The following ERAP1 variants were observed in gnomAD, a reference collection of about 807,000 sequenced individuals.
ERAP1 encodes endoplasmic reticulum aminopeptidase 1, also known as adipocyte-derived leucine aminopeptidase.
Under a neutral mutation model 103.7 loss-of-function variants are expected in ERAP1, and 86 were observed. The ratio of observed to expected loss-of-function variants is 0.83; its 90% CI spans 0.70 to 0.99. The LOEUF (loss-of-function observed/expected upper bound fraction) is 0.99, where lower values mean the gene tolerates loss of function less well. ERAP1 is among the 50% of genes least tolerant of loss of function. The pLI, the probability that ERAP1 is intolerant of heterozygous loss-of-function variation, is 0.00. For synonymous variants in ERAP1, 398 were observed against 402.4 expected (o/e 0.99, Z 0.13); for missense variants, 1,009 against 1,128.4 (o/e 0.89, Z 1.52).
the ERAP1 span, among the ~76,000 whole-genome samples, chr5:96,838,039 A>C: frequency 2.0e-5 from 3 of 151,934 alleles, no homozygotes; most frequent in Non-Finnish European, 2.9e-5. Flanking sequence ...TTGGGGCTTT[A>C]ATGGGCACAG....
the ERAP1 span, chr5:96,903,502 A>T: frequency 6.2e-7 from 1 of 1,614,018 alleles, no homozygotes; most frequent in Non-Finnish European, 8.5e-7. Context: ...TCAGAACCAC[A>T]CACTTCTCAG....
chr5:96,896,870 CAT>C, the ERAP1 span: 3 of 1,569,678 alleles, frequency 1.9e-6, no homozygotes, highest in African/African-American at 4.2e-5. Context: ...AAATGTAAGT[CAT>C]ATGTTGGGTA....
chr5:96,828,763 G>A, the ERAP1 span, among the ~76,000 whole-genome samples: 1 of 151,886 alleles, frequency 6.6e-6, no homozygotes, highest in African/African-American at 2.4e-5. Context: ...GTCTGGAGAA[G>A]GTCAGAAAAA....
chr5:96,855,918 C>T, the ERAP1 span, among the ~76,000 whole-genome samples: 1,546 of 152,240 alleles, frequency 0.01, 24 homozygotes, highest in African/African-American at 0.036. Flanking sequence ...GCCTTGTTAA[C>T]TGCAATGTTG....
intron 10 of ERAP1, 141 bp downstream of exon 10, chr5:96,790,155 T>C (rs951383352): frequency 9.1e-6 from 7 of 765,952 alleles, no homozygotes; most frequent in Admixed American, 2.1e-5. Context: ...ATTATGAGTA[T>C]GGAATAGTTT....
Position 96,785,783 on chromosome 5 carries a change from A to T in ERAP1, c.1943+5T>A. ...TAAACCGCGACTTTGTGCAGCGTGT[A>T]TTACCTGACGAGCTGAAATGCATTG... is the stretch of plus-strand genomic sequence containing the variant. On this transcript the variant is annotated splice_donor_5th_base_variant and intron_variant, in intron 13 of 18. Coordinates refer to ENST00000443439, the MANE Select transcript of ERAP1 (RefSeq NM_001040458.3). 1 of 1,614,042 alleles carries T rather than the reference A, an allele frequency of 6.2e-7. No homozygotes were observed. Among genetic ancestry groups the T allele is most frequent in the South Asian group, 1.1e-5 (1 of 91,082 alleles).
chr5:96,788,091 T>C (rs1427930170), intron 11 of ERAP1, among the ~76,000 whole-genome samples: 1 of 152,172 alleles, frequency 6.6e-6, no homozygotes, highest in African/African-American at 2.4e-5. Flanking sequence ...TATTCTTCTA[T>C]AGCATTAAGC....
In ERAP1 at chr5:96,776,287, G is replaced by A. The variant is rs1190292904; in HGVS notation, c.*109C>T. The A allele has an allele frequency of 8.9e-5, 136 of 1,535,134 alleles. No homozygotes were observed. The highest frequency in any genetic ancestry group is 1.1e-4 in the Non-Finnish European group (123 of 1,147,258). Reference sequence around the variant, plus strand: ...GGGATAGTCAAAAAATGAGTTGAAGGGAAAAAAGTATCTCCAGTTGGAGCC... The same window carrying A: ...GGGATAGTCAAAAAATGAGTTGAAGAGAAAAAAGTATCTCCAGTTGGAGCC... On this transcript the variant is annotated 3_prime_UTR_variant, in exon 19 of 19. Transcript: ENST00000443439.
At chr5:96,776,846 TTATTC>T (rs1774394623) in intron 18 of ERAP1, 2 of 377,210 alleles carry the variant, frequency 5.3e-6, no homozygotes, top group South Asian at 6.0e-5. Context: ...ATTTAATGTG[TTATTC>T]TGTTCTGTTC....
At chr5:96,820,278 T>C in the ERAP1 span, among the ~76,000 whole-genome samples, 14 of 152,108 alleles carry the variant, frequency 9.2e-5, no homozygotes, top group South Asian at 2.7e-3. Context: ...GCAAACAACA[T>C]AGCTTAAAAA....
rs182142091 is a variant in ERAP1 at position 96,798,091 on chromosome 5, C to T, written c.664-782G>A. Among the ~76,000 whole-genome samples the T allele has an allele frequency of 7.9e-5, 12 of 152,060 alleles. No individual in the cohort carries two copies. The East Asian group carries it at 2.3e-3, about 29-fold the overall frequency. ...CTGTAATCCCAGCACTTTGGGAGGC[C>T]GAGGCGGGTGGATCACAAGGTAAGG... On this transcript the variant is annotated intron_variant, in intron 3 of 18. Coordinates refer to ENST00000443439, the MANE Select transcript of ERAP1 (RefSeq NM_001040458.3).
chr5:96,898,436 T>C, the ERAP1 span, among the ~76,000 whole-genome samples: 3 of 151,886 alleles, frequency 2.0e-5, no homozygotes, highest in Non-Finnish European at 4.4e-5. Context: ...AAATACATAG[T>C]TTTTACTTAC....
chr5:96,905,700 A>T, the ERAP1 span, among the ~76,000 whole-genome samples: 1 of 152,160 alleles, frequency 6.6e-6, no homozygotes, highest in African/African-American at 2.4e-5. Flanking sequence ...CCTGGGCAAC[A>T]TAGTGAAACC....
At chr5:96,821,715 T>G in the ERAP1 span, among the ~76,000 whole-genome samples, 23 of 152,318 alleles carry the variant, frequency 1.5e-4, no homozygotes, top group East Asian at 1.9e-4. Flanking sequence ...AAAGCCTGAC[T>G]GGGCCAGAGG....
the ERAP1 span, chr5:96,935,055 G>GGCTGGAGGCAATGGC: frequency 6.6e-6 from 1 of 152,540 alleles, no homozygotes; most frequent in African/African-American, 2.4e-5. Context: ...GGTGGCTCGG[G>GGCTGGAGGCAATGGC]GCTGGAGGCA....
At chr5:96,833,723 G>A in the ERAP1 span, among the ~76,000 whole-genome samples, 15 of 151,802 alleles carry the variant, frequency 9.9e-5, no homozygotes, top group Admixed American at 4.6e-4. Context: ...GCTTGAACCC[G>A]GGAGGCGGAG....
the ERAP1 span, among the ~76,000 whole-genome samples, chr5:96,850,696 G>A: frequency 1.3e-5 from 2 of 152,186 alleles, no homozygotes; most frequent in African/African-American, 2.4e-5. Context: ...CTCATTCCAC[G>A]ATGTATACCT....
chr5:96,892,811 G>A, the ERAP1 span, among the ~76,000 whole-genome samples: 1 of 152,108 alleles, frequency 6.6e-6, no homozygotes, highest in Non-Finnish European at 1.5e-5. Flanking sequence ...TATATCCCCT[G>A]GTACTCTGGC....
At chr5:96,880,028 C>A in the ERAP1 span, 2 of 1,614,034 alleles carry the variant, frequency 1.2e-6, no homozygotes, top group Non-Finnish European at 1.7e-6. Context: ...CAGCAAAGAT[C>A]TTGAAATCAC....
Sources: allele counts gnomAD v4.1 joint callset (sites outside exome capture counted in the v4.1 genomes callset), GRCh38; gene constraint gnomAD v4.1.1; transcripts MANE v1.5; gene names NCBI Gene and HGNC (gene_info 2026-07-23, HGNC 2026-07-21).